The following CROCC2 variants were observed in gnomAD, a reference collection of about 807,000 sequenced individuals.
CROCC2 encodes ciliary rootlet coiled-coil protein 2.
A neutral mutation model predicts 177.6 loss-of-function variants in CROCC2; 163 were observed. The ratio of observed to expected loss-of-function variants is 0.92; its 90% CI spans 0.81 to 1.05. CROCC2 has a LOEUF of 1.05. Among genes scored for constraint, CROCC2 ranks in the 50% least tolerant of loss-of-function variants. The pLI is 0.00. For synonymous variants in CROCC2, 904 were observed against 787.3 expected (o/e 1.15, Z -2.48); for missense variants, 1,929 against 1,797.8 (o/e 1.07, Z -1.32).
Position 240,959,428 on chromosome 2 carries a change from G to A in CROCC2, c.3071G>A (p.Gly1024Asp). The stretch of plus-strand genomic sequence containing the variant: ...CTCCAGGACCTAGCGGCTGAGCGGG[G>A]CGATGTGGAGAGAGAGGTGAGAGGC... The part of the protein sequence containing the change: ...ESLQDLAAER[G>D]DVEREAERLR... The change falls in exon 20 of 32, where the codon GGC becomes GAC. Residue 1024 changes from glycine to aspartate, a missense_variant. Gly to Asp is a moderately conservative substitution (Grantham distance 94). Around this residue, in one of 3 missense-constraint regions of CROCC2, gnomAD observed 1,397 missense variants for 1,239.9 expected, o/e 1.13. Transcript: ENST00000690015. 1 of 1,550,394 alleles carries A rather than the reference G, an allele frequency of 6.4e-7. No homozygotes were observed. The highest frequency in any genetic ancestry group is 8.7e-7 in the Non-Finnish European group (1 of 1,146,872).
At chr2:240,945,433 G>A (rs974085194) in intron 14 of CROCC2, among the ~76,000 whole-genome samples, 1 of 152,158 alleles carries the variant, frequency 6.6e-6, no homozygotes, top group Non-Finnish European at 1.5e-5. Flanking sequence ...CTCTGTTTTG[G>A]TGGCTCTGAA....
At chr2:240,923,429 C>A (rs570946153) in intron 4 of CROCC2, among the ~76,000 whole-genome samples, 44 of 150,132 alleles carry the variant, frequency 2.9e-4, no homozygotes, top group Non-Finnish European at 5.6e-4. Flanking sequence ...CTGCCCGGCC[C>A]CCACCCTGCC....
intron 1 of CROCC2, among the ~76,000 whole-genome samples, chr2:240,912,506 CA>C (rs1387888851): frequency 6.6e-6 from 1 of 152,216 alleles, no homozygotes; most frequent in Admixed American, 6.5e-5. Flanking sequence ...GGACACAACT[CA>C]GGACTAGCCG....
Position 240,963,768 on chromosome 2 carries a change from G to A in CROCC2, c.3300G>A (p.Lys1100=), listed in dbSNP as rs1269688872. ...RATICRAEQE[K]ASFKRSKEEK... is the part of the protein sequence containing the mutation. ...CCATCTGCAGGGCCGAACAGGAGAA[G>A]GCCAGGTATGGCGGCCACCCAGGAG... The change falls in exon 21 of 32, where the codon AAG becomes AAA. Residue 1100 remains lysine (K), a synonymous_variant. Transcript: ENST00000690015. The A allele has an allele frequency of 1.3e-6, 2 of 1,548,246 alleles. No individual in the cohort carries two copies. The highest frequency in any genetic ancestry group is 2.4e-5 in the South Asian group (2 of 83,984).
At chr2:240,910,714 A>G (rs904148712) in intron 1 of CROCC2, among the ~76,000 whole-genome samples, 5 of 152,172 alleles carry the variant, frequency 3.3e-5, no homozygotes, top group Non-Finnish European at 2.9e-5. Flanking sequence ...TAACCTACAT[A>G]TGCATTCTTC....
Position 240,982,838 on chromosome 2 carries a change from C to A in CROCC2, c.4402-42C>A. 6.6e-7 allele frequency: 1 copy of A among 1,524,002 alleles called. No individual in the cohort carries two copies. Among genetic ancestry groups the A allele is most frequent in the South Asian group, 1.2e-5 (1 of 80,880 alleles). The allele number at this position is 1,524,002 out of a possible 1,614,324, so 94.4% of individuals were successfully genotyped here. A position where few individuals can be genotyped will look rare whatever the true frequency, so the allele number is the denominator to read the frequency against. On this transcript the variant is annotated intron_variant, in intron 27 of 31. Transcript: ENST00000690015. The surrounding 1 kb of genome is among the most constrained non-coding windows in gnomAD (Gnocchi z 4.7). ...AGGGTTTCCCTGCAGGGCCTCCCAC[C>A]CCCAGTGTCTCCAGGTGGACCCTGT... is the stretch of plus-strand genomic sequence containing the variant.
In CROCC2 at chr2:240,953,329, C is replaced by T. The variant is rs1428765777; in HGVS notation, c.2830-2530C>T. Among the ~76,000 whole-genome samples the T allele has an allele frequency of 6.6e-6, 1 of 151,948 alleles. No individual in the cohort carries two copies. The highest frequency in any genetic ancestry group is 2.4e-5 in the African/African-American group (1 of 41,372). ...ACTCAGGAGGCTGAGGCAGGAGAAT[C>T]GCTTGAACCCAGGAGATTCTCACTG... On this transcript the variant is annotated intron_variant, in intron 18 of 31. Coordinates refer to ENST00000690015, the MANE Select transcript of CROCC2 (RefSeq NM_001351305.2). The surrounding 1 kb of genome is among the most constrained non-coding windows in gnomAD (Gnocchi z 4.0).
At chr2:240,948,236 G>A (rs2059534579) in intron 15 of CROCC2, among the ~76,000 whole-genome samples, 1 of 152,114 alleles carries the variant, frequency 6.6e-6, no homozygotes, top group Admixed American at 6.5e-5. Flanking sequence ...TCTGACCTGA[G>A]CCCAGAGGAC....
At position 240,972,476 on chromosome 2, in the gene CROCC2, T is replaced by C. The variant is rs2059728258; in HGVS notation, c.4401+4214T>C. 6.6e-6 allele frequency among the ~76,000 whole-genome samples: 1 copy of C among 151,988 alleles called. No homozygotes were observed. The highest frequency in any genetic ancestry group is 1.5e-5 in the Non-Finnish European group (1 of 67,990). On this transcript the variant is annotated intron_variant, in intron 27 of 31. Coordinates refer to ENST00000690015, the MANE Select transcript of CROCC2 (RefSeq NM_001351305.2). This position sits in a 1 kb window ranked among gnomAD's most constrained non-coding sequence, Gnocchi z 7.1. ...GCCACAGCAACCCTCTTCCCTGAGG[T>C]CCTGGTAGTACAGAGTTGCCTCCCC...
intron 2 of CROCC2, among the ~76,000 whole-genome samples, 186 bp downstream of exon 2, chr2:240,919,062 G>A (rs13034645): frequency 0.046 from 433 of 9,510 alleles, 3 homozygotes; most frequent in African/African-American, 0.076. Context: ...CGTGGGGGAC[G>A]GTCCTGGGCC....
At chr2:240,956,800 TTC>T (rs2059593581) in intron 19 of CROCC2, among the ~76,000 whole-genome samples, 1 of 152,180 alleles carries the variant, frequency 6.6e-6, no homozygotes, top group African/African-American at 2.4e-5. Context: ...ACGCCAAGGC[TTC>T]AGCCCATCTG....
At chr2:240,956,831 C>T (rs973183097) in intron 19 of CROCC2, among the ~76,000 whole-genome samples, 6 of 152,182 alleles carry the variant, frequency 3.9e-5, no homozygotes, top group Non-Finnish European at 5.9e-5. Context: ...CACCAGGTCC[C>T]GCATGGGAGA....
chr2:240,993,142 G>A lies in CROCC2; in HGVS notation c.*61G>A. On this transcript the variant is annotated 3_prime_UTR_variant, in exon 32 of 32. Coordinates refer to ENST00000690015, the MANE Select transcript of CROCC2 (RefSeq NM_001351305.2). ...CAGAGGAAGGGAACGCACCGCAGGT[G>A]GGAGGGGCCCAGCTGATTTCTCAGC... 2.8e-6 allele frequency: 2 copies of A among 710,918 alleles called. No homozygotes were observed. Among genetic ancestry groups the A allele is most frequent in the African/African-American group, 1.8e-5 (1 of 57,132 alleles). 44.0% of individuals were successfully genotyped at this position (710,918 alleles called of 1,614,324 possible).
chr2:240,983,784 G>T (rs1241228381), intron 28 of CROCC2: 2 of 400,566 alleles, frequency 5.0e-6, no homozygotes, highest in Non-Finnish European at 8.6e-6. Flanking sequence ...CTCTCCCTGG[G>T]GAGGCACCAT....
intron 27 of CROCC2, among the ~76,000 whole-genome samples, chr2:240,969,348 C>T (rs1035941551): frequency 6.6e-6 from 1 of 152,212 alleles, no homozygotes; most frequent in African/African-American, 2.4e-5. Flanking sequence ...CTCTGAGTTC[C>T]CAGTAGGCCC....
Position 240,989,811 on chromosome 2 carries a change from A to G in CROCC2, c.4841A>G (p.Gln1614Arg), listed in dbSNP as rs10200024. ...LESQEWTHQQ[Q>R]VKVLEEQVAS... is the part of the protein sequence containing the mutation. ...TCCCAAGAATGGACCCACCAGCAGC[A>G]GGTAAAGGTGCTGGAAGAGCAGGTA... Residue 1614 changes from glutamine to arginine, a missense_variant, in exon 30 of 32, where the codon CAG becomes CGG. Physicochemically the swap from Gln to Arg is conservative, Grantham distance 43 (BLOSUM62 1). Coordinates refer to ENST00000690015, the MANE Select transcript of CROCC2 (RefSeq NM_001351305.2). 0.65 allele frequency: 1,007,587 copies of G among 1,545,490 alleles called. 334,092 individuals carry two copies. The highest frequency in any genetic ancestry group is 0.91 in the East Asian group (37,164 of 40,758).
In CROCC2 at chr2:240,934,366, C is replaced by T; in HGVS notation, c.1682C>T (p.Ser561Phe). The T allele has an allele frequency of 6.5e-7, 1 of 1,548,758 alleles. No individual in the cohort carries two copies. The highest frequency in any genetic ancestry group is 8.7e-7 in the Non-Finnish European group (1 of 1,146,920). The change falls in exon 12 of 32, where the codon TCC (serine) becomes TTC (phenylalanine). Residue 561 changes from serine (S) to phenylalanine (F), a missense_variant. Ser to Phe is a radical substitution (Grantham distance 155). This residue lies in a region of CROCC2 where 1,397 missense variants were observed against 1,239.9 expected (regional missense o/e 1.13). Transcript: ENST00000690015. ...CTGCAGCAGCTGGAGGAGAAGGTCT[C>T]CGGGCTCAGAGAGGAGCTGGCATCG... ...GRLQQLEEKV[S>F]GLREELASVR... is the part of the protein sequence containing the mutation.
At chr2:240,948,610 C>A (rs779575889) in intron 15 of CROCC2, among the ~76,000 whole-genome samples, 9 of 152,170 alleles carry the variant, frequency 5.9e-5, no homozygotes, top group Non-Finnish European at 1.3e-4. Context: ...TCTTTTATCA[C>A]CCCTCCCTCC....
intron 28 of CROCC2, chr2:240,983,540 C>G: frequency 6.3e-6 from 8 of 1,272,090 alleles, no homozygotes; most frequent in Non-Finnish European, 7.1e-6. Flanking sequence ...GGCGCGTCTG[C>G]AGGGGGAGCT....
Sources: gnomAD v4.1 joint callset for allele counts (sites outside exome capture counted in the v4.1 genomes callset) on GRCh38, gnomAD v4.1.1 for gene constraint, gnomAD v4.1.1 regional missense constraint, Gnocchi (gnomAD v3.1) non-coding constraint, MANE v1.5 for transcripts, NCBI Gene and HGNC (gene_info 2026-07-23, HGNC 2026-07-21) for gene names.